TTC28: variants seen among roughly 807,000 people sequenced by gnomAD.
The protein encoded by TTC28 is tetratricopeptide repeat protein 28.
In TTC28, 61 loss-of-function variants were observed where a neutral mutation model predicts 198.0. That is an observed-to-expected ratio of 0.31 (90% CI 0.25 to 0.38). The LOEUF is 0.38. TTC28 is among the 10% of genes least tolerant of loss of function. TTC28 has a pLI of 1.00. For synonymous variants in TTC28, 1,171 were observed against 1,297.8 expected (o/e 0.90, Z 2.10); for missense variants, 2,678 against 3,164.0 (o/e 0.85, Z 3.69).
chr22:28,296,231 C>T lies in TTC28; in HGVS notation c.900G>A (p.Gln300=). The T allele has an allele frequency of 1.3e-6, 2 of 1,550,486 alleles. No homozygotes were observed. Among genetic ancestry groups the T allele is most frequent in the Non-Finnish European group, 1.7e-6 (2 of 1,146,350 alleles). ...YREALTNHRH[Q]LVLAMKLKDR... is the part of the protein sequence containing the mutation. ...CTTTGAGTTTCATGGCGAGTACCAA[C>T]TGATGCCTGTGGTTAGTGAGAGCCT... Residue 300 remains glutamine (Q), a synonymous_variant, in exon 5 of 23, where the codon CAG becomes CAA. Coordinates refer to ENST00000397906, the MANE Select transcript of TTC28 (RefSeq NM_001145418.2).
intron 2 of TTC28, among the ~76,000 whole-genome samples, chr22:28,591,030 CACACACACACATATATATATAT>C (rs1490616541): frequency 1.9e-4 from 13 of 68,528 alleles, no homozygotes; most frequent in African/African-American, 5.7e-4. Context: ...CACACACACA[CACACACACACATATATATATAT>C]ATATATATAT....
At chr22:28,032,177 T>TATATATATATATATAAA (rs1939121402) in intron 12 of TTC28, among the ~76,000 whole-genome samples, 1 of 77,424 alleles carries the variant, frequency 1.3e-5, no homozygotes, top group African/African-American at 5.6e-5. Context: ...TGTATATATA[T>TATATATATATATATAAA]ATATATATAT....
chr22:28,382,506 C>T (rs1053252390), intron 2 of TTC28, among the ~76,000 whole-genome samples: 1 of 152,170 alleles, frequency 6.6e-6, no homozygotes, highest in African/African-American at 2.4e-5. Flanking sequence ...TATCCATGGA[C>T]TTGACCTTTG....
chr22:28,312,156 A>G (rs1281552328), intron 2 of TTC28, among the ~76,000 whole-genome samples: 1 of 152,218 alleles, frequency 6.6e-6, no homozygotes, highest in Non-Finnish European at 1.5e-5. Flanking sequence ...ATTCAACAAG[A>G]AGAGCTAACT....
At position 28,071,300 on chromosome 22, in the gene TTC28, T is replaced by C. The variant is rs956507035; in HGVS notation, c.3932+22780A>G. On this transcript the variant is annotated intron_variant, in intron 12 of 22. Coordinates refer to ENST00000397906, the MANE Select transcript of TTC28 (RefSeq NM_001145418.2). ...ATGCACACGTATGTTTATTGCGGCATTATTCACAATAGCAAAGACTTGGAA... is the reference window on the plus strand; with the variant it reads ...ATGCACACGTATGTTTATTGCGGCACTATTCACAATAGCAAAGACTTGGAA... Among the ~76,000 whole-genome samples, 5 of 151,816 alleles carry C rather than the reference T, an allele frequency of 3.3e-5. No individual in the cohort carries two copies. The South Asian group carries it at 8.3e-4, about 25-fold the overall frequency.
At chr22:28,358,631 G>A (rs1303868064) in intron 2 of TTC28, among the ~76,000 whole-genome samples, 2 of 152,182 alleles carry the variant, frequency 1.3e-5, no homozygotes, top group African/African-American at 2.4e-5. Context: ...AGGAAGCAAA[G>A]CCTTGTCCTA....
intron 3 of TTC28, among the ~76,000 whole-genome samples, chr22:28,300,531 A>G (rs2044997626): frequency 6.6e-6 from 1 of 152,224 alleles, no homozygotes; most frequent in Non-Finnish European, 1.5e-5. Context: ...TAAAAGATAA[A>G]ATTTCCCTTC....
intron 2 of TTC28, among the ~76,000 whole-genome samples, chr22:28,588,299 C>T (rs2050357904): frequency 1.3e-5 from 2 of 152,186 alleles, no homozygotes; most frequent in Non-Finnish European, 2.9e-5. Flanking sequence ...GTCATTTAAG[C>T]TTGGCTTTGA....
Position 28,402,060 on chromosome 22 carries a change from A to C in TTC28, c.382-95417T>G, listed in dbSNP as rs1601345211. ...ACTTCAGCACTAATTACACTTAAAT[A>C]TGTACTCCCAAAGAATACATCTATC... On this transcript the variant is annotated intron_variant, in intron 2 of 22. Coordinates refer to ENST00000397906, the MANE Select transcript of TTC28 (RefSeq NM_001145418.2). 2.0e-5 allele frequency among the ~76,000 whole-genome samples: 3 copies of C among 152,346 alleles called. No homozygotes were observed. In the South Asian group the frequency reaches 6.2e-4, roughly 32 times the overall value.
rs1931622020 is a variant in TTC28 at position 28,265,456 on chromosome 22, C to G, written c.933+30742G>C. On this transcript the variant is annotated intron_variant, in intron 5 of 22. Coordinates refer to ENST00000397906, the MANE Select transcript of TTC28 (RefSeq NM_001145418.2). ...TAAGAAGGCACCTCAGTTTCCACAT[C>G]TGCAAAGTAGAGGCAATATCACTTG... Among the ~76,000 whole-genome samples, 3 of 152,162 alleles carry G rather than the reference C, an allele frequency of 2.0e-5. No homozygotes were observed. The South Asian group carries it at 6.2e-4, about 32-fold the overall frequency.
chr22:28,169,561 A>G (rs1459426563), intron 5 of TTC28, among the ~76,000 whole-genome samples: 3 of 152,202 alleles, frequency 2.0e-5, no homozygotes, highest in African/African-American at 7.2e-5. Context: ...TCAGCAAACT[A>G]TCGCAAGGAC....
At chr22:28,567,003 T>C (rs2049979626) in intron 2 of TTC28, among the ~76,000 whole-genome samples, 1 of 151,868 alleles carries the variant, frequency 6.6e-6, no homozygotes, top group African/African-American at 2.4e-5. Flanking sequence ...GATCATGAGG[T>C]CAGGAGTTCG....
At chr22:28,601,499 G>A (rs939639501) in intron 2 of TTC28, among the ~76,000 whole-genome samples, 1 of 152,028 alleles carries the variant, frequency 6.6e-6, no homozygotes, top group Admixed American at 6.6e-5. Flanking sequence ...CTATTTACAT[G>A]GCATTTACAT....
At chr22:28,032,187 TAA>T (rs1194674499) in intron 12 of TTC28, among the ~76,000 whole-genome samples, 3 of 72,888 alleles carry the variant, frequency 4.1e-5, no homozygotes, top group African/African-American at 1.2e-4. Flanking sequence ...TATATATATA[TAA>T]AATATATATA....
chr22:28,339,242 T>A (rs1601654931), intron 2 of TTC28, among the ~76,000 whole-genome samples: 1 of 152,146 alleles, frequency 6.6e-6, no homozygotes, highest in East Asian at 1.9e-4. Context: ...CCCTGATCGT[T>A]CCTCAGGAAG....
At chr22:28,636,287 G>C (rs778434335) in intron 1 of TTC28, among the ~76,000 whole-genome samples, 1 of 151,682 alleles carries the variant, frequency 6.6e-6, no homozygotes, top group African/African-American at 2.4e-5. Flanking sequence ...CACCATGTCC[G>C]GCTAATTTTT....
intron 6 of TTC28, 42 bp downstream of exon 6, chr22:28,163,050 C>A: frequency 6.7e-7 from 1 of 1,496,336 alleles, no homozygotes; most frequent in Non-Finnish European, 8.9e-7. Context: ...ATTTCCAGCT[C>A]ATGACTTTGA....
chr22:28,405,081 C>G (rs2046980091), intron 2 of TTC28, among the ~76,000 whole-genome samples: 1 of 152,190 alleles, frequency 6.6e-6, no homozygotes. Flanking sequence ...GCTCAATTTA[C>G]TTGGTATTCA....
chr22:28,254,629 C>G (rs1930758174), intron 5 of TTC28, among the ~76,000 whole-genome samples: 1 of 151,998 alleles, frequency 6.6e-6, no homozygotes, highest in South Asian at 2.1e-4. Context: ...GTGACTAAAG[C>G]TTAGATGTGG....
Sources: allele counts gnomAD v4.1 joint callset (sites outside exome capture counted in the v4.1 genomes callset), GRCh38; gene constraint gnomAD v4.1.1; transcripts MANE v1.5; gene names NCBI Gene and HGNC (gene_info 2026-07-23, HGNC 2026-07-21).